Variants in DCT observed in about 807,000 individuals in gnomAD.
DCT encodes the protein L-dopachrome tautomerase.
DCT carries 47 observed loss-of-function variants against 53.0 expected under a neutral mutation model. The observed-to-expected ratio is 0.89, with a 90% CI of 0.70 to 1.13. The LOEUF is 1.13. Among genes scored for constraint, DCT ranks in the 50% most tolerant of loss-of-function variants. DCT has a pLI of 0.00. For missense variants in DCT, 669 were observed against 637.4 expected, an observed-to-expected ratio of 1.05 and a Z score of -0.53; for synonymous variants, 244 against 237.0, an observed-to-expected ratio of 1.03 and a Z score of -0.27.
chr13:94,480,037 GACC>G (rs1219890654), upstream of DCT, among the ~76,000 whole-genome samples: 1 of 152,110 alleles, frequency 6.6e-6, no homozygotes, highest in Non-Finnish European at 1.5e-5. Context: ...GTGCAAAAAA[GACC>G]ACAACAGGGG....
At chr13:94,466,301 A>G (rs1884215382) in intron 3 of DCT, among the ~76,000 whole-genome samples, 1 of 151,972 alleles carries the variant, frequency 6.6e-6, no homozygotes, top group African/African-American at 2.4e-5. Context: ...AAATAACTCG[A>G]GGTCTGAGAC....
Position 94,439,625 on chromosome 13 carries a change from TG to T in DCT, c.*272del, listed in dbSNP as rs3215804. The T allele has an allele frequency of 0.21, 44,241 of 206,958 alleles. 4,223 individuals carry two copies. Among genetic ancestry groups the T allele is most frequent in the South Asian group, 0.25 (1,321 of 5,382 alleles). 12.8% of individuals were successfully genotyped at this position (206,958 alleles called of 1,614,324 possible). ...GAAAAGGAGGAGGCTTAATCAATAT[TG>T]GGGGGGGGGTTATTATTAGATATCA... On this transcript the variant is annotated 3_prime_UTR_variant, in exon 8 of 8. Transcript: ENST00000377028.
intron 7 of DCT, among the ~76,000 whole-genome samples, chr13:94,441,746 A>T (rs944940476): frequency 1.3e-5 from 2 of 152,218 alleles, no homozygotes; most frequent in Non-Finnish European, 2.9e-5. Context: ...TCATTCATCC[A>T]CTAACAGACA....
the DCT span, among the ~76,000 whole-genome samples, chr13:94,504,720 G>A: frequency 0.39 from 59,440 of 151,894 alleles, 12,219 homozygotes; most frequent in East Asian, 0.61. Context: ...TCAATGGGCA[G>A]GTGGCAGAGT....
the DCT span, among the ~76,000 whole-genome samples, chr13:94,534,183 C>T: frequency 8.2e-3 from 1,241 of 151,664 alleles, 28 homozygotes; most frequent in African/African-American, 0.028. Context: ...AATTAAATAA[C>T]CTATTAATTT....
chr13:94,547,973 AAAAAAAAAAAAATAT>A, the DCT span, among the ~76,000 whole-genome samples: 1 of 112,676 alleles, frequency 8.9e-6, no homozygotes, highest in Non-Finnish European at 1.7e-5. Context: ...AAAAAAAAAA[AAAAAAAAAAAAATAT>A]ATATATATAT....
At chr13:94,478,117 T>C (rs1885216329) in intron 1 of DCT, among the ~76,000 whole-genome samples, 1 of 151,134 alleles carries the variant, frequency 6.6e-6, no homozygotes, top group Non-Finnish European at 1.5e-5. Flanking sequence ...CAGAGAAGAG[T>C]GACAAAAAGC....
At chr13:94,457,378 T>C (rs79539927) in intron 6 of DCT, among the ~76,000 whole-genome samples, 1,595 of 152,262 alleles carry the variant, frequency 0.01, 41 homozygotes, top group African/African-American at 0.036. Flanking sequence ...TCTCTCTCCC[T>C]CCACTATATG....
the DCT span, among the ~76,000 whole-genome samples, chr13:94,500,442 C>T: frequency 2.5e-4 from 38 of 152,306 alleles, no homozygotes; most frequent in Non-Finnish European, 4.0e-4. Flanking sequence ...AATTATCTCC[C>T]ACCTGGTCCC....
intron 6 of DCT, among the ~76,000 whole-genome samples, chr13:94,450,336 C>T (rs1001116951): frequency 4.6e-5 from 7 of 152,130 alleles, no homozygotes; most frequent in African/African-American, 1.2e-4. Context: ...GATATTGGAG[C>T]AATAATAGCA....
the DCT span, among the ~76,000 whole-genome samples, chr13:94,485,448 C>A: frequency 6.6e-6 from 1 of 152,146 alleles, no homozygotes; most frequent in African/African-American, 2.4e-5. Flanking sequence ...AGCCCCTGAG[C>A]TTTCCTGTAC....
intron 1 of DCT, among the ~76,000 whole-genome samples, chr13:94,472,566 ATATTTTTTTTTTTTT>A (rs1884806407): frequency 5.7e-5 from 1 of 17,644 alleles, no homozygotes; most frequent in Non-Finnish European, 8.7e-5. Context: ...ATATATATAT[ATATTTTTTTTTTTTT>A]TTTTTTTTTT....
chr13:94,478,994 T>C lies in DCT; in HGVS notation c.262A>G (p.Arg88Gly). The part of the protein sequence containing the change: ...RNQDDRELWP[R>G]KFFHRTCKCT... ...TTGCAGGTCCGGTGGAAGAATTTTC[T>C]TGGCCACAGCTCACGGTCATCCTGG... Residue 88 changes from arginine (R) to glycine (G), a missense_variant, in exon 1 of 8, where the codon AGA (arginine) becomes GGA (glycine). By Grantham distance (125) the Arg-to-Gly change is moderately radical. Transcript: ENST00000377028. The C allele has an allele frequency of 5.0e-6, 8 of 1,612,760 alleles. No individual in the cohort carries two copies. Among genetic ancestry groups the C allele is most frequent in the Non-Finnish European group, 6.8e-6 (8 of 1,178,922 alleles).
the DCT span, among the ~76,000 whole-genome samples, chr13:94,517,477 T>C: frequency 6.6e-6 from 1 of 152,170 alleles, no homozygotes; most frequent in African/African-American, 2.4e-5. Context: ...CATGTAAATA[T>C]CCACCTCTGT....
At chr13:94,499,301 C>T in the DCT span, among the ~76,000 whole-genome samples, 13 of 152,270 alleles carry the variant, frequency 8.5e-5, no homozygotes, top group African/African-American at 2.9e-4. Flanking sequence ...TTTTTGAAGG[C>T]AGTGAGACCA....
In DCT at chr13:94,436,892, A is replaced by G. The variant is rs1013993130; in HGVS notation, c.*3006T>C. On this transcript the variant is annotated 3_prime_UTR_variant, in exon 8 of 8. Transcript: ENST00000377028. ...CTCAGGATAAGTAAGGCACTATAGA[A>G]ATAGGAAGAGCTTCAACCTTAGAGT... The G allele has an allele frequency of 6.6e-6, 1 of 152,230 alleles. No homozygotes were observed. The highest frequency in any genetic ancestry group is 1.5e-5 in the Non-Finnish European group (1 of 68,028). The allele number at this position is 152,230 out of a possible 1,614,324, so 9.4% of individuals were successfully genotyped here. A position where few individuals can be genotyped will look rare whatever the true frequency, so the allele number is the denominator to read the frequency against.
the DCT span, among the ~76,000 whole-genome samples, chr13:94,508,754 G>A: frequency 6.6e-6 from 1 of 152,158 alleles, no homozygotes; most frequent in East Asian, 1.9e-4. Context: ...ACACATTTTA[G>A]CTCATTATAA....
chr13:94,459,786 C>T (rs1368404859), intron 6 of DCT, among the ~76,000 whole-genome samples: 7 of 152,148 alleles, frequency 4.6e-5, no homozygotes. Context: ...TACTGAACCT[C>T]AACAATACTC....
At chr13:94,461,293 A>T (rs1324147493) in intron 5 of DCT, among the ~76,000 whole-genome samples, 2 of 150,210 alleles carry the variant, frequency 1.3e-5, no homozygotes, top group African/African-American at 4.8e-5. Context: ...GGCATGAAAC[A>T]TGTGTTTTTC....
Sources: allele counts gnomAD v4.1 joint callset (sites outside exome capture counted in the v4.1 genomes callset), GRCh38; gene constraint gnomAD v4.1.1; transcripts MANE v1.5; gene names NCBI Gene and HGNC (gene_info 2026-07-23, HGNC 2026-07-21).